The following ASIC2 variants were observed in gnomAD, a reference collection of about 807,000 sequenced individuals.
ASIC2 encodes acid sensing ion channel subunit 2, also known as acid-sensing ion channel 2.
Under a neutral mutation model 57.3 loss-of-function variants are expected in ASIC2, and 25 were observed. The observed-to-expected ratio is 0.44, with a 90% CI of 0.32 to 0.61. The LOEUF is 0.61. ASIC2 is among the 20% of genes least tolerant of loss of function. ASIC2 has a pLI of 0.06. For synonymous variants in ASIC2, 319 were observed against 307.5 expected (o/e 1.04, Z -0.39); for missense variants, 641 against 738.1 (o/e 0.87, Z 1.52).
At chr17:33,403,626 T>C (rs1380209646) in intron 1 of ASIC2, among the ~76,000 whole-genome samples, 1 of 152,218 alleles carries the variant, frequency 6.6e-6, no homozygotes, top group African/African-American at 2.4e-5. Flanking sequence ...AAATAATCGC[T>C]CAGACAGGTG....
chr17:34,115,368 G>A (rs1047044694), intron 1 of ASIC2, among the ~76,000 whole-genome samples: 1 of 152,118 alleles, frequency 6.6e-6, no homozygotes, highest in African/African-American at 2.4e-5. Flanking sequence ...TTCAGTACTA[G>A]AATCTCCTTA....
At chr17:33,211,101 A>G (rs575731352) in intron 1 of ASIC2, among the ~76,000 whole-genome samples, 3 of 119,400 alleles carry the variant, frequency 2.5e-5, no homozygotes, top group Non-Finnish European at 5.2e-5. Context: ...TGAAGAACAA[A>G]GAGGATTTTC....
intron 1 of ASIC2, among the ~76,000 whole-genome samples, chr17:34,040,149 C>G (rs1322542123): frequency 5.5e-4 from 42 of 76,094 alleles, no homozygotes; most frequent in East Asian, 1.6e-3. Context: ...GCCACGGGAC[C>G]GGCCTCCTGG....
intron 1 of ASIC2, among the ~76,000 whole-genome samples, chr17:33,271,162 T>C (rs567338219): frequency 8.8e-4 from 134 of 152,264 alleles, no homozygotes; most frequent in African/African-American, 3.0e-3. Context: ...CAGTGCCCTC[T>C]AGATTTCCCT....
intron 1 of ASIC2, among the ~76,000 whole-genome samples, chr17:33,958,860 T>G (rs1034420476): frequency 2.4e-4 from 37 of 152,254 alleles, no homozygotes; most frequent in African/African-American, 8.7e-4. Context: ...AGGCTGCAAA[T>G]TTTCCAAACT....
chr17:33,559,425 C>T (rs1397949873), intron 1 of ASIC2, among the ~76,000 whole-genome samples: 1 of 152,212 alleles, frequency 6.6e-6, no homozygotes, highest in African/African-American at 2.4e-5. Flanking sequence ...CTCTACATCA[C>T]AGCTAGAATA....
intron 1 of ASIC2, among the ~76,000 whole-genome samples, chr17:33,380,289 A>G (rs1448018294): frequency 1.7e-3 from 258 of 150,186 alleles, no homozygotes; most frequent in African/African-American, 5.8e-3. Flanking sequence ...AAGAAAGAAA[A>G]AAAGAAAAAG....
chr17:33,349,574 C>G (rs1908080235), intron 1 of ASIC2, among the ~76,000 whole-genome samples: 1 of 152,316 alleles, frequency 6.6e-6, no homozygotes. Context: ...GAATGCCCTC[C>G]AGCTCCACCC....
chr17:33,559,849 G>C (rs1916018733), intron 1 of ASIC2, among the ~76,000 whole-genome samples: 1 of 151,432 alleles, frequency 6.6e-6, no homozygotes, highest in South Asian at 2.1e-4. Flanking sequence ...AACTATTTTT[G>C]AGTAAGTGAA....
chr17:33,505,166 C>T (rs1453202156), intron 1 of ASIC2, among the ~76,000 whole-genome samples: 2 of 151,946 alleles, frequency 1.3e-5, no homozygotes, highest in African/African-American at 4.8e-5. Flanking sequence ...GGCACGTGAG[C>T]AGTAGTCCTA....
intron 1 of ASIC2, among the ~76,000 whole-genome samples, chr17:33,975,717 C>T (rs1453857320): frequency 6.6e-6 from 1 of 152,016 alleles, no homozygotes; most frequent in Admixed American, 6.5e-5. Context: ...TAGATGCTTC[C>T]TCTCTTTGGT....
intron 1 of ASIC2, among the ~76,000 whole-genome samples, chr17:33,674,112 C>A (rs961668818): frequency 1.3e-5 from 2 of 152,158 alleles, no homozygotes; most frequent in East Asian, 3.9e-4. Flanking sequence ...CCAGGCTGGT[C>A]TTGATCTCTC....
chr17:33,138,376 C>G (rs1030992737), intron 1 of ASIC2, among the ~76,000 whole-genome samples: 9 of 152,102 alleles, frequency 5.9e-5, no homozygotes, highest in Non-Finnish European at 8.8e-5. Context: ...AATTATCTAA[C>G]ATTTAAGTAC....
intron 1 of ASIC2, among the ~76,000 whole-genome samples, chr17:33,461,337 G>T (rs1178368529): frequency 1.3e-5 from 2 of 152,158 alleles, no homozygotes; most frequent in African/African-American, 4.8e-5. Flanking sequence ...TTTTCCCATT[G>T]CCCTTCTCTA....
At chr17:33,477,135 C>T (rs73273230) in intron 1 of ASIC2, among the ~76,000 whole-genome samples, 22,527 of 152,082 alleles carry the variant, frequency 0.15, 1,886 homozygotes, top group Middle Eastern at 0.23. Flanking sequence ...ATTTATCCAC[C>T]TCCTTATTGA....
intron 4 of ASIC2, among the ~76,000 whole-genome samples, chr17:33,027,654 C>A (rs1322437315): frequency 6.6e-6 from 1 of 152,094 alleles, no homozygotes; most frequent in Non-Finnish European, 1.5e-5. Flanking sequence ...GAATTAGAAA[C>A]CAAGGCCCCA....
chr17:33,760,846 A>T (rs1910758466), intron 1 of ASIC2, among the ~76,000 whole-genome samples: 2 of 152,150 alleles, frequency 1.3e-5, no homozygotes, highest in African/African-American at 4.8e-5. Flanking sequence ...TAAATTTAAG[A>T]GTGGTCCTGT....
At chr17:33,229,368 A>G (rs1271261266) in intron 1 of ASIC2, among the ~76,000 whole-genome samples, 1 of 152,152 alleles carries the variant, frequency 6.6e-6, no homozygotes, top group East Asian at 1.9e-4. Context: ...GGGTCTGAGG[A>G]CAGATATGAG....
chr17:33,016,426 T>A (rs1026714262), intron 8 of ASIC2, among the ~76,000 whole-genome samples: 5 of 152,180 alleles, frequency 3.3e-5, no homozygotes, highest in Non-Finnish European at 5.9e-5. Flanking sequence ...ATTCACTTGC[T>A]AGGCCTGACA....
Sources: gnomAD v4.1 joint callset for allele counts (sites outside exome capture counted in the v4.1 genomes callset) on GRCh38, gnomAD v4.1.1 for gene constraint, MANE v1.5 for transcripts, NCBI Gene and HGNC (gene_info 2026-07-23, HGNC 2026-07-21) for gene names.